The following ERC2 variants were observed in gnomAD, a reference collection of about 807,000 sequenced individuals.
ERC2 encodes the protein ELKS/RAB6-interacting/CAST family member 2, also known as ERC protein 2.
In ERC2, 42 loss-of-function variants were observed where a neutral mutation model predicts 114.8. That is an observed-to-expected ratio of 0.37 (90% CI 0.29 to 0.47). The LOEUF is 0.47. Ranked by LOEUF, ERC2 falls within the 20% of genes least tolerant of loss-of-function variation. ERC2 has a pLI of 0.99. For synonymous variants in ERC2, 454 were observed against 425.5 expected, an observed-to-expected ratio of 1.07 and a Z score of -0.82; for missense variants, 939 against 1,150.7, an observed-to-expected ratio of 0.82 and a Z score of 2.66.
intron 3 of ERC2, among the ~76,000 whole-genome samples, chr3:56,232,784 A>T (rs2050711091): frequency 6.6e-6 from 1 of 152,200 alleles, no homozygotes; most frequent in Admixed American, 6.5e-5. Context: ...TACATCCAAG[A>T]CCTACTCCAC....
chr3:56,463,560 C>G (rs2063412451), intron 1 of ERC2, among the ~76,000 whole-genome samples: 1 of 152,190 alleles, frequency 6.6e-6, no homozygotes, highest in Non-Finnish European at 1.5e-5. Flanking sequence ...GGTAGGCAAC[C>G]AGCAAGCCTA....
chr3:55,891,378 T>C (rs1279875907), intron 13 of ERC2, among the ~76,000 whole-genome samples: 1 of 151,706 alleles, frequency 6.6e-6, no homozygotes, highest in African/African-American at 2.4e-5. Flanking sequence ...CCTCTGAGAT[T>C]GGGGGTGGTA....
rs200940238 is a variant in ERC2 at position 56,032,901 on chromosome 3, C to CAGAAAGAA, written c.1642-13878_1642-13871dup. 3.8e-3 allele frequency among the ~76,000 whole-genome samples: 140 copies of CAGAAAGAA among 36,896 alleles called. 8 individuals carry two copies. The highest frequency in any genetic ancestry group is 6.3e-3 in the African/African-American group (75 of 11,890). The allele number at this position is 36,896 out of a possible 152,430, so 24.2% of individuals were successfully genotyped here. ...AAAGAAAGAAAGAGAGAGAGAGAGACAGAAAGAAAGAAAGAAAGAAAGAAA... is the reference window on the plus strand; with the variant it reads ...AAAGAAAGAAAGAGAGAGAGAGAGACAGAAAGAAAGAAAGAAAGAAAGAAAGAAAGAAA... On this transcript the variant is annotated intron_variant, in intron 7 of 17. Coordinates refer to ENST00000288221, the MANE Select transcript of ERC2 (RefSeq NM_015576.3).
At chr3:55,720,148 CTTCTTCTTCTTCT>C (rs1559547089) in intron 15 of ERC2, among the ~76,000 whole-genome samples, 240 of 2,980 alleles carry the variant, frequency 0.081, 93 homozygotes, top group Non-Finnish European at 0.087. Flanking sequence ...TCTTCCTCTT[CTTCTTCTTCTTCT>C]TCTTCTTCTT....
At chr3:56,206,917 A>G (rs2048770239) in intron 3 of ERC2, among the ~76,000 whole-genome samples, 1 of 152,238 alleles carries the variant, frequency 6.6e-6, no homozygotes. Flanking sequence ...AGAGCTACCT[A>G]CATAAATCAG....
intron 2 of ERC2, among the ~76,000 whole-genome samples, chr3:56,361,223 G>A (rs993367901): frequency 9.9e-5 from 15 of 152,154 alleles, no homozygotes; most frequent in Non-Finnish European, 2.9e-5. Context: ...GATTAAAGAA[G>A]ATGAGGAATA....
chr3:56,441,933 G>A (rs964299100), intron 1 of ERC2, among the ~76,000 whole-genome samples: 1 of 152,228 alleles, frequency 6.6e-6, no homozygotes, highest in Non-Finnish European at 1.5e-5. Context: ...CACTGCTTGC[G>A]AGGCTAAGGC....
At chr3:56,102,341 G>A (rs1004843694) in intron 6 of ERC2, among the ~76,000 whole-genome samples, 5 of 152,064 alleles carry the variant, frequency 3.3e-5, no homozygotes, top group Non-Finnish European at 5.9e-5. Flanking sequence ...AGAAAAACTA[G>A]AAACCTACAT....
chr3:55,638,338 C>G (rs2060037746), intron 17 of ERC2, among the ~76,000 whole-genome samples: 1 of 152,152 alleles, frequency 6.6e-6, no homozygotes, highest in South Asian at 2.1e-4. Context: ...CATGGCTTCT[C>G]AAATGGTTAA....
At chr3:55,680,337 A>C (rs2061997487) in intron 17 of ERC2, among the ~76,000 whole-genome samples, 1 of 152,174 alleles carries the variant, frequency 6.6e-6, no homozygotes, top group Non-Finnish European at 1.5e-5. Context: ...CAAACATTCA[A>C]ATGTCGAGGC....
chr3:56,166,164 T>C (rs996485795), intron 4 of ERC2, among the ~76,000 whole-genome samples: 1 of 152,038 alleles, frequency 6.6e-6, no homozygotes, highest in Non-Finnish European at 1.5e-5. Context: ...TTTTCTCCTT[T>C]ATCCTCTTAA....
At chr3:55,800,806 G>C (rs56168605) in intron 14 of ERC2, among the ~76,000 whole-genome samples, 4,341 of 152,236 alleles carry the variant, frequency 0.029, 81 homozygotes, top group Middle Eastern at 0.078. Flanking sequence ...CAGCAGAGTT[G>C]AGCTAATAGC....
chr3:55,873,741 C>G (rs1265116504), intron 14 of ERC2, among the ~76,000 whole-genome samples: 1 of 152,128 alleles, frequency 6.6e-6, no homozygotes, highest in African/African-American at 2.4e-5. Context: ...ATAGGCAGAT[C>G]CTCTCTTATG....
chr3:56,213,054 A>G (rs1341497017), intron 3 of ERC2, among the ~76,000 whole-genome samples: 4 of 152,090 alleles, frequency 2.6e-5, no homozygotes, highest in Non-Finnish European at 4.4e-5. Flanking sequence ...GTGAAGGATA[A>G]AAGACTACAC....
Position 55,982,645 on chromosome 3 carries a change from G to A in ERC2, c.2267+3332C>T, listed in dbSNP as rs187885182. 8.0e-4 allele frequency among the ~76,000 whole-genome samples: 121 copies of A among 151,970 alleles called. No homozygotes were observed. In the East Asian group the frequency reaches 0.012, roughly 15 times the overall value. On this transcript the variant is annotated intron_variant, in intron 12 of 17. Transcript: ENST00000288221. ...TCTTAAATGGTTTGGTCAGTTTTTC[G>A]TCAGGTATTTTTTGGAAATGCTGGG...
At chr3:55,736,043 G>A (rs1352595441) in intron 14 of ERC2, among the ~76,000 whole-genome samples, 1 of 152,090 alleles carries the variant, frequency 6.6e-6, no homozygotes, top group East Asian at 1.9e-4. Flanking sequence ...CTAAACTCAT[G>A]CACTACTATA....
chr3:55,897,953 G>C (rs2063921015), intron 13 of ERC2, among the ~76,000 whole-genome samples: 2 of 152,176 alleles, frequency 1.3e-5, no homozygotes, highest in African/African-American at 4.8e-5. Context: ...GGTTGCCTCT[G>C]ATCCTTCTCC....
rs146368784 is a variant in ERC2 at position 56,032,114 on chromosome 3, C to G, written c.1642-13083G>C. ...CATGTGATCTCTCTACACACCAGCT[C>G]CTATTTGCTTTCCACAAAAAGTGGA... On this transcript the variant is annotated intron_variant, in intron 7 of 17. Transcript: ENST00000288221. Among the ~76,000 whole-genome samples, 960 of 152,320 alleles carry G rather than the reference C, an allele frequency of 6.3e-3. 8 individuals carry two copies. Among genetic ancestry groups the G allele is most frequent in the African/African-American group, 0.021 (891 of 41,572 alleles).
At position 55,509,051 on chromosome 3, in the gene ERC2, G is replaced by A. The variant is rs978840155; in HGVS notation, c.*2265C>T. 1 of 152,684 alleles carries A rather than the reference G, an allele frequency of 6.5e-6. No homozygotes were observed. Among genetic ancestry groups the A allele is most frequent in the African/African-American group, 2.4e-5 (1 of 41,534 alleles). 9.5% of individuals were successfully genotyped at this position (152,684 alleles called of 1,614,324 possible). ...CCCCAAACATCAGAGAATATTACAC[G>A]AAATGGGAAAGGTTGTTATGTTAGA... On this transcript the variant is annotated 3_prime_UTR_variant, in exon 18 of 18. Transcript: ENST00000288221.
Sources: gnomAD v4.1 joint callset for allele counts (sites outside exome capture counted in the v4.1 genomes callset) on GRCh38, gnomAD v4.1.1 for gene constraint, MANE v1.5 for transcripts, NCBI Gene and HGNC (gene_info 2026-07-23, HGNC 2026-07-21) for gene names.